Variants in YTHDF3 observed in about 807,000 individuals in gnomAD.
YTHDF3 encodes YTH N6-methyladenosine RNA binding protein F3, also known as YTH domain-containing family protein 3.
A neutral mutation model predicts 52.5 loss-of-function variants in YTHDF3; 9 were observed. That is an observed-to-expected ratio of 0.17 (90% CI 0.10 to 0.30). YTHDF3 has a LOEUF of 0.30. Among genes scored for constraint, YTHDF3 ranks in the 10% least tolerant of loss-of-function variants. YTHDF3 has a pLI of 1.00. For synonymous variants in YTHDF3, 274 were observed against 243.3 expected (o/e 1.13, Z -1.18); for missense variants, 534 against 715.0 (o/e 0.75, Z 2.89).
rs372046184 is a variant in YTHDF3, at chr8:63,187,471, C to G, written c.1460C>G (p.Ala487Gly). Residue 487 changes from alanine to glycine, a missense_variant, in exon 4 of 5, where the codon GCG becomes GGG. Coordinates refer to ENST00000539294, the MANE Select transcript of YTHDF3 (RefSeq NM_152758.6). ...AEMKSVVDYN[A>G]YAGVWSQDKW... ...ATGAAGTCTGTTGTGGACTATAATG[C>G]GTATGCTGGTGTCTGGTCTCAGGAT... is the stretch of plus-strand genomic sequence containing the variant. The G allele has an allele frequency of 1.2e-6, 2 of 1,613,796 alleles. No individual in the cohort carries two copies. The highest frequency in any genetic ancestry group is 1.7e-5 in the Admixed American group (1 of 59,976).
At chr8:63,174,645 C>T (rs1028233069) in intron 2 of YTHDF3, among the ~76,000 whole-genome samples, 2 of 152,194 alleles carry the variant, frequency 1.3e-5, no homozygotes, top group African/African-American at 4.8e-5. Flanking sequence ...AAATTATTCT[C>T]TGACTTGTTT....
Position 63,186,607 on chromosome 8 carries a change from A to G in YTHDF3, c.596A>G (p.Asp199Gly). 2 of 1,613,966 alleles carry G rather than the reference A, an allele frequency of 1.2e-6. No homozygotes were observed. Among genetic ancestry groups the G allele is most frequent in the Non-Finnish European group, 1.7e-6 (2 of 1,179,882 alleles). The change falls in exon 4 of 5, where the codon GAC becomes GGC. Residue 199 changes from aspartate to glycine, a missense_variant. Transcript: ENST00000539294. ...QGMTGLKIGG[D>G]LTAAVTKTVG... is the part of the protein sequence containing the mutation. ...ATGACTGGACTGAAAATTGGTGGTG[A>G]CCTGACAGCTGCAGTGACAAAAACT...
At position 63,193,049 on chromosome 8, in the gene YTHDF3, A is replaced by G. The variant is rs144133745; in HGVS notation, c.1734+5304A>G. Among the ~76,000 whole-genome samples, 429 of 152,150 alleles carry G rather than the reference A, an allele frequency of 2.8e-3. 5 individuals carry two copies. The highest frequency in any genetic ancestry group is 9.8e-3 in the African/African-American group (406 of 41,516). On this transcript the variant is annotated intron_variant, in intron 4 of 4. Transcript: ENST00000539294. ...GACTGCTACATTTGATTAGATTAAA[A>G]TCTGTCCATCAAAAGATGCTTTAAA...
At chr8:63,169,306 T>C in intron 1 of YTHDF3, 81 bp from the exon 2 acceptor site, 1 of 1,518,478 alleles carries the variant, frequency 6.6e-7, no homozygotes, top group Non-Finnish European at 8.9e-7. Flanking sequence ...ATAACTTGTC[T>C]TTGATAATGC....
At chr8:63,176,662 A>C (rs1161029016) in intron 3 of YTHDF3, among the ~76,000 whole-genome samples, 1 of 146,058 alleles carries the variant, frequency 6.8e-6, no homozygotes, top group African/African-American at 2.6e-5. Context: ...GATTAATTTG[A>C]TTAGAAACTC....
chr8:63,181,509 CT>C (rs1808135349), intron 3 of YTHDF3, among the ~76,000 whole-genome samples: 1 of 152,158 alleles, frequency 6.6e-6, no homozygotes, highest in African/African-American at 2.4e-5. Flanking sequence ...TAAATATTTT[CT>C]TAATATTTCT....
At position 63,212,360 on chromosome 8, in the gene YTHDF3, A is replaced by T. The variant is rs1270589467; in HGVS notation, c.*2654A>T. 1 of 152,622 alleles carries T rather than the reference A, an allele frequency of 6.6e-6. No individual in the cohort carries two copies. Among genetic ancestry groups the T allele is most frequent in the Non-Finnish European group, 1.5e-5 (1 of 68,036 alleles). The allele number at this position is 152,622 out of a possible 1,614,324, so 9.5% of individuals were successfully genotyped here. ...TTAATTTCTCTTTTTAATTTAAGTGATCTTTCTAATTCGAAAGCTGTGTTC... is the reference window on the plus strand; with the variant it reads ...TTAATTTCTCTTTTTAATTTAAGTGTTCTTTCTAATTCGAAAGCTGTGTTC... On this transcript the variant is annotated 3_prime_UTR_variant, in exon 5 of 5. Coordinates refer to ENST00000539294, the MANE Select transcript of YTHDF3 (RefSeq NM_152758.6).
intron 4 of YTHDF3, among the ~76,000 whole-genome samples, chr8:63,203,604 A>T (rs1809788468): frequency 6.6e-6 from 1 of 152,170 alleles, no homozygotes; most frequent in African/African-American, 2.4e-5. Context: ...AGAAATGAAC[A>T]TTGGTACAAT....
chr8:63,198,931 A>G (rs1186001469), intron 4 of YTHDF3, among the ~76,000 whole-genome samples: 2 of 152,224 alleles, frequency 1.3e-5, no homozygotes, highest in Non-Finnish European at 2.9e-5. Context: ...TATGTAACAC[A>G]TTTGATACAA....
intron 4 of YTHDF3, among the ~76,000 whole-genome samples, chr8:63,195,991 A>C (rs938996350): frequency 2.0e-5 from 3 of 152,068 alleles, no homozygotes; most frequent in African/African-American, 7.2e-5. Context: ...TAGTAGAGAC[A>C]GGATTTTGCC....
intron 1 of YTHDF3, 87 bp from the exon 2 acceptor site, chr8:63,169,300 C>A: frequency 2.0e-6 from 3 of 1,504,160 alleles, no homozygotes; most frequent in Middle Eastern, 3.5e-4. Context: ...TCTAAAATAA[C>A]TTGTCTTTGA....
intron 3 of YTHDF3, among the ~76,000 whole-genome samples, chr8:63,179,765 G>A (rs1182446094): frequency 6.6e-6 from 1 of 152,188 alleles, no homozygotes; most frequent in African/African-American, 2.4e-5. Flanking sequence ...TGGCCGGGCA[G>A]AGGGGCTCCT....
At chr8:63,173,223 T>TATATATATATATATATATATATATAAAGA (rs1554533399) in intron 2 of YTHDF3, among the ~76,000 whole-genome samples, 1 of 144,016 alleles carries the variant, frequency 6.9e-6, no homozygotes, top group African/African-American at 2.6e-5. Flanking sequence ...TACAGATAAA[T>TATATATATATATATATATATATATAAAGA]TTTAAGTAAG....
At chr8:63,176,446 A>AT (rs1158740824) in intron 3 of YTHDF3, among the ~76,000 whole-genome samples, 4 of 151,378 alleles carry the variant, frequency 2.6e-5, no homozygotes, top group South Asian at 4.2e-4. Flanking sequence ...TGCCCGGGTA[A>AT]TTTTTTTGTA....
In YTHDF3 at chr8:63,210,551, G is replaced by T. The variant is rs1810317496; in HGVS notation, c.*845G>T. ...TAAAACCCTTAATTCCTATTTCTGG[G>T]TGTTTGCGAGCCTGATTGCTATCAT... On this transcript the variant is annotated 3_prime_UTR_variant, in exon 5 of 5. Transcript: ENST00000539294. 6.6e-6 allele frequency: 1 copy of T among 152,376 alleles called. No individual in the cohort carries two copies. Among genetic ancestry groups the T allele is most frequent in the Non-Finnish European group, 1.5e-5 (1 of 67,960 alleles). 9.4% of individuals were successfully genotyped at this position (152,376 alleles called of 1,614,324 possible).
intron 4 of YTHDF3, among the ~76,000 whole-genome samples, chr8:63,201,341 T>C (rs1367736732): frequency 6.6e-6 from 1 of 152,158 alleles, no homozygotes; most frequent in East Asian, 1.9e-4. Context: ...CTGGCCAACA[T>C]AGACCCTGTC....
At chr8:63,179,535 G>A (rs1174614995) in intron 3 of YTHDF3, among the ~76,000 whole-genome samples, 2 of 152,128 alleles carry the variant, frequency 1.3e-5, no homozygotes, top group East Asian at 1.9e-4. Flanking sequence ...AGGGTTGGGG[G>A]TAAGGTCACA....
At chr8:63,193,672 AG>A (rs1809058672) in intron 4 of YTHDF3, among the ~76,000 whole-genome samples, 1 of 152,206 alleles carries the variant, frequency 6.6e-6, no homozygotes, top group Non-Finnish European at 1.5e-5. Context: ...ATAGAAAAAT[AG>A]TCAAAGATGT....
At chr8:63,203,009 A>G (rs1010126302) in intron 4 of YTHDF3, among the ~76,000 whole-genome samples, 2 of 152,156 alleles carry the variant, frequency 1.3e-5, no homozygotes, top group Admixed American at 1.3e-4. Flanking sequence ...AGGGAGGCCA[A>G]GGCACGCGGA....
Sources: gnomAD v4.1 joint callset for allele counts (sites outside exome capture counted in the v4.1 genomes callset) on GRCh38, gnomAD v4.1.1 for gene constraint, MANE v1.5 for transcripts, NCBI Gene and HGNC (gene_info 2026-07-23, HGNC 2026-07-21) for gene names.